Variants in CHSY3 observed in about 807,000 individuals in gnomAD.
The protein encoded by CHSY3 is chondroitin sulfate synthase 3.
A neutral mutation model predicts 67.2 loss-of-function variants in CHSY3; 35 were observed. The ratio of observed to expected loss-of-function variants is 0.52; its 90% CI spans 0.40 to 0.69. The LOEUF is 0.69. Ranked by LOEUF, CHSY3 falls within the 30% of genes least tolerant of loss-of-function variation. The pLI is 0.00. For synonymous variants in CHSY3, 474 were observed against 434.7 expected, an observed-to-expected ratio of 1.09 and a Z score of -1.12; for missense variants, 1,069 against 1,138.5, an observed-to-expected ratio of 0.94 and a Z score of 0.88.
chr5:129,997,732 C>T (rs1368219953), intron 2 of CHSY3, among the ~76,000 whole-genome samples: 1 of 152,070 alleles, frequency 6.6e-6, no homozygotes. Context: ...TGTTCAATTC[C>T]CATCTATGAG....
intron 2 of CHSY3, among the ~76,000 whole-genome samples, chr5:130,171,749 A>C (rs1281918994): frequency 6.6e-6 from 1 of 152,210 alleles, no homozygotes. Flanking sequence ...TACCCATATC[A>C]GATTGTTACT....
chr5:130,076,134 C>A (rs560688556), intron 2 of CHSY3, among the ~76,000 whole-genome samples: 2 of 152,140 alleles, frequency 1.3e-5, no homozygotes, highest in East Asian at 3.9e-4. Context: ...TACTTCTATG[C>A]GCTTGCATAT....
chr5:129,958,970 T>C (rs1437707160), intron 2 of CHSY3, among the ~76,000 whole-genome samples: 1 of 152,166 alleles, frequency 6.6e-6, no homozygotes, highest in East Asian at 1.9e-4. Context: ...TTAGCCTAAA[T>C]AAATGACATA....
intron 2 of CHSY3, among the ~76,000 whole-genome samples, chr5:130,135,218 A>G (rs1295079590): frequency 6.6e-6 from 1 of 151,972 alleles, no homozygotes; most frequent in African/African-American, 2.4e-5. Context: ...ATACACACAC[A>G]AACATATATG....
chr5:130,088,095 C>A (rs185571904), intron 2 of CHSY3, among the ~76,000 whole-genome samples: 10 of 152,092 alleles, frequency 6.6e-5, no homozygotes, highest in African/African-American at 2.2e-4. Context: ...TTTGACAAAC[C>A]TGAGAAAAAC....
chr5:130,062,040 A>G (rs184243556), intron 2 of CHSY3, among the ~76,000 whole-genome samples: 17 of 152,252 alleles, frequency 1.1e-4, no homozygotes, highest in Admixed American at 9.8e-4. Flanking sequence ...AACCGCCACT[A>G]CTGGGTATCT....
At chr5:130,116,200 A>G (rs1222419348) in intron 2 of CHSY3, among the ~76,000 whole-genome samples, 4 of 152,154 alleles carry the variant, frequency 2.6e-5, no homozygotes, top group Non-Finnish European at 5.9e-5. Flanking sequence ...TCCAGCAGTA[A>G]AAAGAGGACA....
chr5:130,027,558 G>A (rs901221614), intron 2 of CHSY3, among the ~76,000 whole-genome samples: 15 of 151,978 alleles, frequency 9.9e-5, no homozygotes, highest in African/African-American at 3.4e-4. Flanking sequence ...TGCCATGTTG[G>A]TGTGCTGCAC....
chr5:130,167,243 A>C (rs1561567048), intron 2 of CHSY3, among the ~76,000 whole-genome samples: 1 of 152,110 alleles, frequency 6.6e-6, no homozygotes, highest in Non-Finnish European at 1.5e-5. Context: ...AAGACATTAG[A>C]GGGGAAGTTG....
intron 2 of CHSY3, among the ~76,000 whole-genome samples, chr5:130,179,400 C>G (rs1770178588): frequency 6.6e-6 from 1 of 151,986 alleles, no homozygotes; most frequent in African/African-American, 2.4e-5. Context: ...TGATTTCTCT[C>G]TTGTCTGTCA....
intron 2 of CHSY3, among the ~76,000 whole-genome samples, chr5:130,037,879 T>G (rs1764905547): frequency 6.6e-6 from 1 of 152,182 alleles, no homozygotes. Context: ...ATGCAGATTT[T>G]TTTGAAGTCT....
At chr5:130,143,988 T>G (rs1768996512) in intron 2 of CHSY3, among the ~76,000 whole-genome samples, 1 of 151,232 alleles carries the variant, frequency 6.6e-6, no homozygotes, top group Admixed American at 6.6e-5. Flanking sequence ...AGTGGCAAAC[T>G]TCAGCTTTAC....
At chr5:130,120,375 G>T (rs1767968948) in intron 2 of CHSY3, among the ~76,000 whole-genome samples, 1 of 150,402 alleles carries the variant, frequency 6.6e-6, no homozygotes, top group South Asian at 2.1e-4. Context: ...GTTCTCTGTA[G>T]CCTGTAAGAT....
At chr5:129,997,250 A>C (rs534506589) in intron 2 of CHSY3, among the ~76,000 whole-genome samples, 87 of 152,312 alleles carry the variant, frequency 5.7e-4, no homozygotes, top group African/African-American at 2.0e-3. Context: ...TATATGCCAT[A>C]TACATGACCA....
chr5:129,951,054 A>G (rs941958333), intron 2 of CHSY3, among the ~76,000 whole-genome samples: 5 of 152,186 alleles, frequency 3.3e-5, no homozygotes, highest in Non-Finnish European at 5.9e-5. Flanking sequence ...ACAAAGACCA[A>G]TAGGGCAGAA....
chr5:130,020,448 TATATATATATA>T (rs1180012125), intron 2 of CHSY3, among the ~76,000 whole-genome samples: 579 of 9,550 alleles, frequency 0.061, 34 homozygotes, highest in East Asian at 0.13. Context: ...TATATATATA[TATATATATATA>T]TATTTTTTTT....
intron 2 of CHSY3, among the ~76,000 whole-genome samples, chr5:129,950,894 A>G (rs773213804): frequency 1.4e-4 from 21 of 152,342 alleles, no homozygotes; most frequent in South Asian, 2.1e-4. Context: ...CATAAATAGA[A>G]AAAGTAATCC....
chr5:130,072,150 T>A (rs1766094359), intron 2 of CHSY3, among the ~76,000 whole-genome samples: 1 of 152,064 alleles, frequency 6.6e-6, no homozygotes, highest in Non-Finnish European at 1.5e-5. Flanking sequence ...TCCATGGTTG[T>A]CTCATCACAT....
At chr5:130,109,834 A>G (rs984517614) in intron 2 of CHSY3, among the ~76,000 whole-genome samples, 7 of 151,846 alleles carry the variant, frequency 4.6e-5, no homozygotes, top group Non-Finnish European at 1.0e-4. Context: ...TTTATACATC[A>G]TCTCATGTAG....
Sources: gnomAD v4.1 joint callset for allele counts (sites outside exome capture counted in the v4.1 genomes callset) on GRCh38, gnomAD v4.1.1 for gene constraint, MANE v1.5 for transcripts, NCBI Gene and HGNC (gene_info 2026-07-23, HGNC 2026-07-21) for gene names.